The following LRIG1 variants were observed in gnomAD, a reference collection of about 807,000 sequenced individuals.
LRIG1 encodes leucine-rich repeats and immunoglobulin-like domains protein 1.
Under a neutral mutation model 99.2 loss-of-function variants are expected in LRIG1, and 48 were observed. The observed-to-expected ratio is 0.48, with a 90% CI of 0.38 to 0.62. LRIG1 has a LOEUF of 0.62. Ranked by LOEUF, LRIG1 falls within the 20% of genes least tolerant of loss-of-function variation. The pLI, the probability that LRIG1 is intolerant of heterozygous loss-of-function variation, is 0.00. For synonymous variants in LRIG1, 772 were observed against 596.1 expected (o/e 1.29, Z -4.30); for missense variants, 1,646 against 1,434.4 (o/e 1.15, Z -2.38).
chr3:66,446,309 A>G (rs553164277), intron 3 of LRIG1, among the ~76,000 whole-genome samples: 4 of 152,016 alleles, frequency 2.6e-5, no homozygotes, highest in Non-Finnish European at 5.9e-5. Context: ...GCTTGGTCAC[A>G]GGTAGGACAC....
At chr3:66,440,420 ACT>A (rs1376284913) in intron 3 of LRIG1, among the ~76,000 whole-genome samples, 1 of 152,098 alleles carries the variant, frequency 6.6e-6, no homozygotes, top group Non-Finnish European at 1.5e-5. Flanking sequence ...GAGAAAATAA[ACT>A]CTGCTGCTGT....
At chr3:66,456,434 G>C (rs1327885460) in intron 2 of LRIG1, among the ~76,000 whole-genome samples, 1 of 152,040 alleles carries the variant, frequency 6.6e-6, no homozygotes, top group Non-Finnish European at 1.5e-5. Context: ...TTAGCCAGGA[G>C]TGGTTGTGCA....
In LRIG1 at chr3:66,383,079, AATGGTGAAG is replaced by A. The variant is rs750141901; in HGVS notation, c.2385_2393del (p.Phe796_Ile798del). The stretch of plus-strand genomic sequence containing the variant: ...TCAGGACGATGCTGCTCACGACAGC[AATGGTGAAG>A]ATGCCTACCGTGGTCCCATCCTTCC... On this transcript the variant is annotated inframe_deletion, in exon 15 of 19. Coordinates refer to ENST00000273261, the MANE Select transcript of LRIG1 (RefSeq NM_015541.3). 1 of 1,614,258 alleles carries A rather than the reference AATGGTGAAG, an allele frequency of 6.2e-7. No individual in the cohort carries two copies. Among genetic ancestry groups the A allele is most frequent in the South Asian group, 1.1e-5 (1 of 91,084 alleles).
chr3:66,434,513 G>A (rs1395637417), intron 3 of LRIG1, among the ~76,000 whole-genome samples: 2 of 152,158 alleles, frequency 1.3e-5, no homozygotes, highest in African/African-American at 4.8e-5. Flanking sequence ...TTGGGAGGCT[G>A]AGGCGGGTGG....
chr3:66,380,357 G>C lies in LRIG1; in HGVS notation c.3188C>G (p.Pro1063Arg), dbSNP rs758051357. 1 of 1,614,188 alleles carries C rather than the reference G, an allele frequency of 6.2e-7. No homozygotes were observed. The highest frequency in any genetic ancestry group is 1.1e-5 in the South Asian group (1 of 91,076). Reference protein sequence around the residue: ...QYLLVSNGHLPKACDASPEST... With the variant: ...QYLLVSNGHLRKACDASPEST... ...CTCGGGACTGGCGTCACATGCTTTG[G>C]GGAGGTGGCCATTGGAAACAAGCAA... Residue 1063 changes from proline (P) to arginine (R), a missense_variant, in exon 19 of 19, where the codon CCC (proline) becomes CGC (arginine). Pro to Arg is a moderately radical substitution (Grantham distance 103). Transcript: ENST00000273261.
intron 3 of LRIG1, among the ~76,000 whole-genome samples, chr3:66,436,527 T>A (rs1324355938): frequency 6.6e-6 from 1 of 152,312 alleles, no homozygotes; most frequent in East Asian, 1.9e-4. Flanking sequence ...GTATTCCAGG[T>A]GGCTCACTAC....
Position 66,380,734 on chromosome 3 carries a change from C to T in LRIG1, c.2898G>A (p.Glu966=). The T allele has an allele frequency of 3.1e-6, 5 of 1,614,220 alleles. No homozygotes were observed. Among genetic ancestry groups the T allele is most frequent in the Non-Finnish European group, 4.2e-6 (5 of 1,180,048 alleles). The change falls in exon 18 of 19, where the codon GAG becomes GAA. Residue 966 remains glutamate, a synonymous_variant. Coordinates refer to ENST00000273261, the MANE Select transcript of LRIG1 (RefSeq NM_015541.3). ...SAQPSAPNGP[E]PGGSDQEHSP... ...AATGCTCTTGGTCACTCCCACCCGG[C>T]TCCGGGCCATTTGGCGCACTTGGCT...
intron 1 of LRIG1, among the ~76,000 whole-genome samples, chr3:66,477,988 C>T (rs768376516): frequency 1.6e-4 from 25 of 152,122 alleles, no homozygotes; most frequent in Non-Finnish European, 2.8e-4. Context: ...TACAAACACA[C>T]GACACACAGC....
intron 1 of LRIG1, among the ~76,000 whole-genome samples, chr3:66,463,933 G>A (rs1003594530): frequency 6.6e-6 from 1 of 152,210 alleles, no homozygotes; most frequent in Non-Finnish European, 1.5e-5. Flanking sequence ...TGAATTAAAA[G>A]CAATTTGTCC....
chr3:66,433,260 A>C (rs951252796), intron 3 of LRIG1, among the ~76,000 whole-genome samples: 2 of 152,340 alleles, frequency 1.3e-5, no homozygotes, highest in Non-Finnish European at 2.9e-5. Flanking sequence ...ACCAAGATGC[A>C]AGCATAGGTA....
intron 3 of LRIG1, among the ~76,000 whole-genome samples, chr3:66,438,687 G>A (rs1367589407): frequency 1.3e-5 from 2 of 152,168 alleles, no homozygotes; most frequent in Non-Finnish European, 2.9e-5. Context: ...CCGACAAGAG[G>A]ACGGTGAGAG....
chr3:66,385,923 C>A, intron 13 of LRIG1, 58 bp downstream of exon 13: 2 of 1,464,090 alleles, frequency 1.4e-6, no homozygotes, highest in Admixed American at 1.7e-5. Context: ...GCTGAAAGGG[C>A]AATCAGGAGT....
chr3:66,427,866 G>A (rs556122610), intron 3 of LRIG1, among the ~76,000 whole-genome samples: 1 of 152,212 alleles, frequency 6.6e-6, no homozygotes, highest in African/African-American at 2.4e-5. Context: ...TTTCTGTGCT[G>A]TACAGACACA....
At chr3:66,479,103 A>G (rs1700789726) in intron 1 of LRIG1, among the ~76,000 whole-genome samples, 1 of 152,086 alleles carries the variant, frequency 6.6e-6, no homozygotes, top group Non-Finnish European at 1.5e-5. Context: ...ACACCTCCCT[A>G]TTGTAAACCT....
At chr3:66,464,907 C>T (rs186961215) in intron 1 of LRIG1, among the ~76,000 whole-genome samples, 2 of 152,298 alleles carry the variant, frequency 1.3e-5, no homozygotes, top group East Asian at 3.9e-4. Flanking sequence ...AGCAAAGGGT[C>T]TTCCATTCCA....
chr3:66,415,421 C>G (rs1332304485), intron 4 of LRIG1, among the ~76,000 whole-genome samples: 1 of 152,122 alleles, frequency 6.6e-6, no homozygotes, highest in Non-Finnish European at 1.5e-5. Flanking sequence ...ACCCAGTGCC[C>G]AAGGTTGACG....
intron 15 of LRIG1, among the ~76,000 whole-genome samples, chr3:66,382,682 CAACCTACTA>C (rs1222374046): frequency 1.3e-5 from 2 of 152,214 alleles, no homozygotes; most frequent in Admixed American, 1.3e-4. Context: ...GTTTCAGGAA[CAACCTACTA>C]CGTGGCAGCA....
At chr3:66,397,207 G>C (rs1255356060) in intron 11 of LRIG1, among the ~76,000 whole-genome samples, 1 of 152,160 alleles carries the variant, frequency 6.6e-6, no homozygotes, top group African/African-American at 2.4e-5. Flanking sequence ...GGTGTCACCC[G>C]GCCCGCTTCA....
intron 1 of LRIG1, among the ~76,000 whole-genome samples, chr3:66,486,817 C>T (rs952558083): frequency 1.3e-5 from 2 of 152,120 alleles, no homozygotes; most frequent in Non-Finnish European, 2.9e-5. Context: ...TGTAACTTTA[C>T]GCTTTTGTGT....
Sources: gnomAD v4.1 joint callset for allele counts (sites outside exome capture counted in the v4.1 genomes callset) on GRCh38, gnomAD v4.1.1 for gene constraint, MANE v1.5 for transcripts, NCBI Gene and HGNC (gene_info 2026-07-23, HGNC 2026-07-21) for gene names.